The following ESR2 variants were observed in gnomAD, a reference collection of about 807,000 sequenced individuals.
ESR2 encodes estrogen receptor beta.
Under a neutral mutation model 49.6 loss-of-function variants are expected in ESR2, and 36 were observed. That is an observed-to-expected ratio of 0.73 (90% CI 0.56 to 0.96). The LOEUF is 0.96. Among genes scored for constraint, ESR2 ranks in the 40% least tolerant of loss-of-function variants. The pLI is 0.00. For missense variants in ESR2, 714 were observed against 693.0 expected (o/e 1.03, Z -0.34); for synonymous variants, 320 against 266.1 (o/e 1.20, Z -1.97).
intron 1 of ESR2, among the ~76,000 whole-genome samples, chr14:64,293,349 C>T (rs2076903517): frequency 6.6e-6 from 1 of 152,176 alleles, no homozygotes; most frequent in African/African-American, 2.4e-5. Flanking sequence ...AAAGTCTGTC[C>T]TCCAAAATGT....
At chr14:64,238,741 G>A (rs1225007370) in intron 7 of ESR2, among the ~76,000 whole-genome samples, 2 of 148,430 alleles carry the variant, frequency 1.3e-5, no homozygotes, top group Admixed American at 1.3e-4. Context: ...TGATGAAACG[G>A]AAGAAGTATA....
intron 1 of ESR2, among the ~76,000 whole-genome samples, chr14:64,314,893 A>G (rs1385344481): frequency 2.0e-5 from 3 of 150,220 alleles, no homozygotes; most frequent in African/African-American, 4.9e-5. Context: ...AAAAAAAAAA[A>G]AAAAAAAAAG....
At chr14:64,323,406 C>G (rs1463452741) in intron 1 of ESR2, among the ~76,000 whole-genome samples, 1 of 152,076 alleles carries the variant, frequency 6.6e-6, no homozygotes, top group Admixed American at 6.6e-5. Flanking sequence ...CAGAGCTTCA[C>G]CATGTTGGCC....
At chr14:64,227,961 A>C, downstream of ESR2, 5 of 1,585,082 alleles carry the variant, frequency 3.2e-6, no homozygotes, top group Non-Finnish European at 4.3e-6. Context: ...TCAAACTCAG[A>C]ATGATTACAG....
intron 7 of ESR2, among the ~76,000 whole-genome samples, chr14:64,249,102 A>C (rs906303243): frequency 6.6e-6 from 1 of 152,036 alleles, no homozygotes; most frequent in Admixed American, 6.5e-5. Flanking sequence ...CATTATTTTT[A>C]ATGATTTGTT....
chr14:64,261,056 TTATTA>T (rs1385805858), intron 4 of ESR2, among the ~76,000 whole-genome samples: 1 of 152,140 alleles, frequency 6.6e-6, no homozygotes, highest in Non-Finnish European at 1.5e-5. Context: ...TAATATACTT[TTATTA>T]TAACACATTC....
intron 3 of ESR2, among the ~76,000 whole-genome samples, chr14:64,275,813 T>C (rs2076547807): frequency 6.6e-6 from 1 of 152,238 alleles, no homozygotes; most frequent in African/African-American, 2.4e-5. Flanking sequence ...TATATTATTC[T>C]GTGGTTTTCT....
chr14:64,323,484 G>A (rs1184109886), intron 1 of ESR2, among the ~76,000 whole-genome samples: 2 of 151,684 alleles, frequency 1.3e-5, no homozygotes, highest in African/African-American at 4.9e-5. Context: ...GAGATTACAG[G>A]TGTGAGCCAC....
In ESR2 at chr14:64,232,163, C is replaced by T. The variant is rs2098727837; in HGVS notation, c.*974G>A. The T allele has an allele frequency of 1.3e-5, 2 of 152,250 alleles. No individual in the cohort carries two copies. Among genetic ancestry groups the T allele is most frequent in the Admixed American group, 1.3e-4 (2 of 15,280 alleles). The allele number at this position is 152,250 out of a possible 1,614,324, so 9.4% of individuals were successfully genotyped here. A position where few individuals can be genotyped will look rare whatever the true frequency, so the allele number is the denominator to read the frequency against. On this transcript the variant is annotated 3_prime_UTR_variant, in exon 9 of 9. Transcript: ENST00000341099. Reference sequence around the variant, plus strand: ...ACTCATCCATCCATAAAACAGCACACTGCACACATCCACAGCCCAAAGTAT... The same window carrying T: ...ACTCATCCATCCATAAAACAGCACATTGCACACATCCACAGCCCAAAGTAT...
At chr14:64,314,265 T>A (rs1254158252) in intron 1 of ESR2, among the ~76,000 whole-genome samples, 2 of 150,712 alleles carry the variant, frequency 1.3e-5, no homozygotes, top group African/African-American at 2.4e-5. Flanking sequence ...TACTCCTAAA[T>A]AAAACATAGG....
At position 64,233,340 on chromosome 14, in the gene ESR2, G is replaced by A. The variant is rs368744840; in HGVS notation, c.1407-17C>T. 1.1e-5 allele frequency: 17 copies of A among 1,600,360 alleles called. No homozygotes were observed. The Admixed American group carries it at 1.7e-4, about 16-fold the overall frequency. ...CCCTTGTTACTATGGGGACAAAAAGGTGCTGAGATTCCCTCCTCCGAGGCA... is the reference window on the plus strand; with the variant it reads ...CCCTTGTTACTATGGGGACAAAAAGATGCTGAGATTCCCTCCTCCGAGGCA... On this transcript the variant is annotated splice_polypyrimidine_tract_variant and intron_variant, in intron 8 of 8. Transcript: ENST00000341099.
intron 1 of ESR2, among the ~76,000 whole-genome samples, chr14:64,291,083 A>C (rs2076863616): frequency 6.6e-6 from 1 of 152,172 alleles, no homozygotes; most frequent in African/African-American, 2.4e-5. Context: ...AACTGGACCA[A>C]ATTCAAATAT....
chr14:64,253,562 GTGTGT>G (rs2076032273), intron 6 of ESR2, among the ~76,000 whole-genome samples: 1 of 60,966 alleles, frequency 1.6e-5, no homozygotes, highest in East Asian at 8.5e-4. Context: ...TACACTATTT[GTGTGT>G]GTGTGTGTGT....
chr14:64,231,464 C>T lies in ESR2; in HGVS notation c.*1673G>A, dbSNP rs1288672597. On this transcript the variant is annotated 3_prime_UTR_variant, in exon 9 of 9. Coordinates refer to ENST00000341099, the MANE Select transcript of ESR2 (RefSeq NM_001437.3). ...GTAACTGAGTCTCTAAGAATAACTT[C>T]AGACTGCCTCAGAACACAGACATCA... The T allele has an allele frequency of 6.6e-6, 1 of 152,170 alleles. No homozygotes were observed. Among genetic ancestry groups the T allele is most frequent in the Non-Finnish European group, 1.5e-5 (1 of 68,024 alleles). 9.4% of individuals were successfully genotyped at this position (152,170 alleles called of 1,614,324 possible).
At chr14:64,264,474 T>G (rs546737330) in intron 4 of ESR2, among the ~76,000 whole-genome samples, 29 of 139,152 alleles carry the variant, frequency 2.1e-4, no homozygotes, top group Middle Eastern at 3.5e-3. Flanking sequence ...CTTAATTTTT[T>G]TAATATACTT....
chr14:64,260,613 A>G lies in ESR2; in HGVS notation c.788T>C (p.Leu263Pro), dbSNP rs2076195063. 1.9e-6 allele frequency: 3 copies of G among 1,610,844 alleles called. No individual in the cohort carries two copies. Among genetic ancestry groups the G allele is most frequent in the African/African-American group, 2.7e-5 (2 of 74,954 alleles). Residue 263 changes from leucine to proline, a missense_variant, in exon 5 of 9, where the codon CTG (leucine) becomes CCG (proline). Coordinates refer to ENST00000341099, the MANE Select transcript of ESR2 (RefSeq NM_001437.3). ...PRVRELLLDA[L>P]SPEQLVLTLL... ...GGTGAGCACTAGCTGCTCGGGGCTC[A>G]GGGCGTCCAGCAGCAGCTCCCGCAC...
At chr14:64,270,266 A>G (rs1190835109) in intron 3 of ESR2, among the ~76,000 whole-genome samples, 2 of 152,214 alleles carry the variant, frequency 1.3e-5, no homozygotes, top group Admixed American at 6.5e-5. Flanking sequence ...ATCAACCTGC[A>G]TCGTTTAGGG....
chr14:64,248,074 G>A (rs1270579167), intron 7 of ESR2, among the ~76,000 whole-genome samples: 1 of 152,136 alleles, frequency 6.6e-6, no homozygotes, highest in African/African-American at 2.4e-5. Context: ...GGTGCTTGTG[G>A]TCTCAGCTAC....
chr14:64,279,046 G>C (rs1412745257), intron 3 of ESR2, among the ~76,000 whole-genome samples: 1 of 152,098 alleles, frequency 6.6e-6, no homozygotes, highest in African/African-American at 2.4e-5. Context: ...TAAAACCTTG[G>C]TCTCCACAAT....
Sources: allele counts gnomAD v4.1 joint callset (sites outside exome capture counted in the v4.1 genomes callset), GRCh38; gene constraint gnomAD v4.1.1; transcripts MANE v1.5; gene names NCBI Gene and HGNC (gene_info 2026-07-23, HGNC 2026-07-21).